FBH1: variants seen among roughly 807,000 people sequenced by gnomAD.
FBH1 encodes F-box DNA helicase 1, also known as DNA 3'-5' helicase 1.
In FBH1, 43 loss-of-function variants were observed where a neutral mutation model predicts 115.5. That is an observed-to-expected ratio of 0.37 (90% CI 0.29 to 0.48). FBH1 has a LOEUF of 0.48. FBH1 is among the 20% of genes least tolerant of loss of function. The probability of loss-of-function intolerance (pLI) is 0.99; values close to 1 mark genes in which losing one functional copy is unlikely to be tolerated. For synonymous variants in FBH1, 524 were observed against 507.8 expected (o/e 1.03, Z -0.43); for missense variants, 1,001 against 1,337.3 (o/e 0.75, Z 3.92).
At position 5,931,256 on chromosome 10, in the gene FBH1, C is replaced by CTGCTTTG. The variant is rs1256204482; in HGVS notation, c.2829+3716_2829+3717insGCTTTGT. 6.6e-6 allele frequency among the ~76,000 whole-genome samples: 1 copy of CTGCTTTG among 152,186 alleles called. No individual in the cohort carries two copies. The highest frequency in any genetic ancestry group is 1.5e-5 in the Non-Finnish European group (1 of 68,044). On this transcript the variant is annotated intron_variant, in intron 19 of 20. Transcript: ENST00000362091. The surrounding 1 kb of genome is among the most constrained non-coding windows in gnomAD (Gnocchi z 4.3). Reference sequence around the variant, plus strand: ...TGCCATCTCAGCAGATACGCATTACCTTGCTTTGTTGCACAACGGCACCTT... The same window carrying CTGCTTTG: ...TGCCATCTCAGCAGATACGCATTACCTGCTTTGTTGCTTTGTTGCACAACGGCACCTT...
Position 5,903,185 on chromosome 10 carries a change from C to A in FBH1, c.157+10C>A. ...AAAAGAGGGAGTAGGGGTATGTCTC[C>A]TCTAAAACTCTTGCATTTCAAAACC... On this transcript the variant is annotated intron_variant, in intron 2 of 20. Transcript: ENST00000362091. 6.3e-7 allele frequency: 1 copy of A among 1,585,504 alleles called. No homozygotes were observed. Among genetic ancestry groups the A allele is most frequent in the Non-Finnish European group, 8.6e-7 (1 of 1,164,128 alleles).
Position 5,909,003 on chromosome 10 carries a change from T to A in FBH1, c.832T>A (p.Ser278Thr), listed in dbSNP as rs1180960227. 9 of 1,614,238 alleles carry A rather than the reference T, an allele frequency of 5.6e-6. No homozygotes were observed. Among genetic ancestry groups the A allele is most frequent in the Non-Finnish European group, 7.6e-6 (9 of 1,180,040 alleles). Residue 278 changes from serine (S) to threonine (T), a missense_variant, in exon 4 of 21, where the codon TCT becomes ACT. Ser to Thr is a moderately conservative substitution (Grantham distance 58, BLOSUM62 1). Around this residue, in one of 4 missense-constraint regions of FBH1, gnomAD observed 420 missense variants for 430.4 expected, o/e 0.98. Transcript: ENST00000362091. The surrounding 1 kb of genome is among the most constrained non-coding windows in gnomAD (Gnocchi z 4.4). ...TGTCAGCAAAGTGGACGGCATCCTG[T>A]CTAACTGTGGCATAGAAAAGGAGTC... ...QAVSKVDGILSNCGIEKESDL... is the reference protein window; with the variant it reads ...QAVSKVDGILTNCGIEKESDL...
intron 3 of FBH1, 33 bp from the exon 4 acceptor site, chr10:5,908,892 T>A: frequency 6.2e-7 from 1 of 1,611,704 alleles, no homozygotes; most frequent in South Asian, 1.1e-5. Flanking sequence ...GCCCTTTGCC[T>A]CATGTTATTT....
At chr10:5,902,847 C>T (rs754965735) in intron 1 of FBH1, among the ~76,000 whole-genome samples, 173 bp from the exon 2 acceptor site, 3 of 147,064 alleles carry the variant, frequency 2.0e-5, no homozygotes, top group South Asian at 2.2e-4. Flanking sequence ...AAGAAAAATG[C>T]GAAGAAATTG....
At chr10:5,899,034 G>A (rs1431685884) in intron 1 of FBH1, among the ~76,000 whole-genome samples, 1 of 152,186 alleles carries the variant, frequency 6.6e-6, no homozygotes, top group Admixed American at 6.5e-5. Context: ...GGTTCACCCT[G>A]CATGTGTAGG....
rs1235765651 is a variant in FBH1, at chr10:5,918,310, A to T, written c.1964-32A>T. 6.2e-7 allele frequency: 1 copy of T among 1,603,050 alleles called. No homozygotes were observed. The highest frequency in any genetic ancestry group is 1.1e-5 in the South Asian group (1 of 89,914). ...TTTGCTGCCTGGGGTGGAGGCCTCA[A>T]GGTTTCTCACTTTTCCTCTCGTTGG... is the stretch of plus-strand genomic sequence containing the variant. On this transcript the variant is annotated intron_variant, in intron 12 of 20. Coordinates refer to ENST00000362091, the MANE Select transcript of FBH1 (RefSeq NM_178150.3). This position sits in a 1 kb window ranked among gnomAD's most constrained non-coding sequence, Gnocchi z 4.0.
At position 5,906,023 on chromosome 10, in the gene FBH1, G is replaced by C; in HGVS notation, c.158-14G>C. On this transcript the variant is annotated splice_polypyrimidine_tract_variant and intron_variant, in intron 2 of 20. Coordinates refer to ENST00000362091, the MANE Select transcript of FBH1 (RefSeq NM_178150.3). The surrounding 1 kb of genome is among the most constrained non-coding windows in gnomAD (Gnocchi z 7.3). ...GTTCATTTCTTGTCCATCCTGTTTG[G>C]GTTCTCTCTACAGGTCAGGGAAGTC... is the stretch of plus-strand genomic sequence containing the variant. The C allele has an allele frequency of 6.3e-7, 1 of 1,583,132 alleles. No homozygotes were observed. The highest frequency in any genetic ancestry group is 8.7e-7 in the Non-Finnish European group (1 of 1,154,646).
Position 5,924,301 on chromosome 10 carries a change from T to C in FBH1, c.2399-10T>C, listed in dbSNP as rs775812010. On this transcript the variant is annotated splice_polypyrimidine_tract_variant and intron_variant, in intron 16 of 20. Coordinates refer to ENST00000362091, the MANE Select transcript of FBH1 (RefSeq NM_178150.3). This position sits in a 1 kb window ranked among gnomAD's most constrained non-coding sequence, Gnocchi z 6.2. The stretch of plus-strand genomic sequence containing the variant: ...TGTGTCACCTTAATTTGTGTGTATA[T>C]TCTTCTTAGAAAACCTCGTCATTAA... 6.2e-7 allele frequency: 1 copy of C among 1,613,908 alleles called. No individual in the cohort carries two copies. The highest frequency in any genetic ancestry group is 8.5e-7 in the Non-Finnish European group (1 of 1,179,796).
intron 19 of FBH1, among the ~76,000 whole-genome samples, chr10:5,928,060 G>A (rs1425765920): frequency 1.8e-5 from 2 of 113,736 alleles, no homozygotes; most frequent in East Asian, 2.9e-4. Context: ...GTGACAGAGC[G>A]AGACTCCATC....
chr10:5,927,674 T>C (rs1832732388), intron 19 of FBH1, 133 bp downstream of exon 19: 2 of 645,400 alleles, frequency 3.1e-6, no homozygotes, highest in Non-Finnish European at 5.4e-6. Context: ...TGCTTGAACG[T>C]GCAAAGGCCG....
rs904143421 is a variant in FBH1, at chr10:5,911,163, A to G, written c.1211+35A>G. On this transcript the variant is annotated intron_variant, in intron 6 of 20. Coordinates refer to ENST00000362091, the MANE Select transcript of FBH1 (RefSeq NM_178150.3). This position sits in a 1 kb window ranked among gnomAD's most constrained non-coding sequence, Gnocchi z 5.4. ...CGGGAGGAGGGGAGGGGATGCTGTG[A>G]TAATGGGAGAGTCCCAGACACAGCA... The G allele has an allele frequency of 6.3e-7, 1 of 1,580,242 alleles. No individual in the cohort carries two copies. The highest frequency in any genetic ancestry group is 8.6e-7 in the Non-Finnish European group (1 of 1,159,942).
At chr10:5,891,080 G>T in intron 1 of FBH1, 1 of 888,832 alleles carries the variant, frequency 1.1e-6, no homozygotes, top group Non-Finnish European at 1.3e-6. Context: ...GGAAGTGGAG[G>T]CCTAACCAAG....
Position 5,923,974 on chromosome 10 carries a change from T to G in FBH1, c.2398+278T>G. 1 of 559,442 alleles carries G rather than the reference T, an allele frequency of 1.8e-6. No individual in the cohort carries two copies. Among genetic ancestry groups the G allele is most frequent in the South Asian group, 2.3e-5 (1 of 43,636 alleles). The allele number at this position is 559,442 out of a possible 1,614,324, so 34.7% of individuals were successfully genotyped here. On this transcript the variant is annotated intron_variant, in intron 16 of 20. Transcript: ENST00000362091. The surrounding 1 kb of genome is among the most constrained non-coding windows in gnomAD (Gnocchi z 5.7). Reference sequence around the variant, plus strand: ...ATCCTTCTGTCTGCCTGGGCCAATTTATACGTTGATACTTCCACGTGGGCC... The same window carrying G: ...ATCCTTCTGTCTGCCTGGGCCAATTGATACGTTGATACTTCCACGTGGGCC...
rs757975624 is a variant in FBH1, at chr10:5,909,009, T to C, written c.838T>C (p.Cys280Arg). Residue 280 changes from cysteine to arginine, a missense_variant, in exon 4 of 21, where the codon TGT (cysteine) becomes CGT (arginine). Physicochemically the swap from Cys to Arg is radical, Grantham distance 180. Transcript: ENST00000362091. The surrounding 1 kb of genome is among the most constrained non-coding windows in gnomAD (Gnocchi z 4.4). ...CAAAGTGGACGGCATCCTGTCTAAC[T>C]GTGGCATAGAAAAGGAGTCAGACCT... ...VSKVDGILSN[C>R]GIEKESDLCV... is the part of the protein sequence containing the mutation. 1 of 1,614,240 alleles carries C rather than the reference T, an allele frequency of 6.2e-7. No homozygotes were observed. Among genetic ancestry groups the C allele is most frequent in the East Asian group, 2.2e-5 (1 of 44,892 alleles).
intron 1 of FBH1, among the ~76,000 whole-genome samples, chr10:5,892,592 G>A (rs1842794371): frequency 6.6e-6 from 1 of 152,164 alleles, no homozygotes; most frequent in South Asian, 2.1e-4. Context: ...GATTTCAGAG[G>A]ACCTCCTGGA....
intron 1 of FBH1, among the ~76,000 whole-genome samples, chr10:5,892,802 T>A (rs1367630246): frequency 2.6e-5 from 4 of 152,260 alleles, no homozygotes; most frequent in Non-Finnish European, 5.9e-5. Context: ...TTGCTCTTTA[T>A]CTTTTATCTT....
In FBH1 at chr10:5,913,048, A is replaced by G. The variant is rs1029128784; in HGVS notation, c.1212-699A>G. 2.6e-5 allele frequency among the ~76,000 whole-genome samples: 4 copies of G among 152,084 alleles called. No homozygotes were observed. Among genetic ancestry groups the G allele is most frequent in the Non-Finnish European group, 5.9e-5 (4 of 67,994 alleles). Reference sequence around the variant, plus strand: ...CTCGATTGTTGGGGGAGCGAGTCCAAGCTCACCCCCGGTCTCCCCCACAGT... The same window carrying G: ...CTCGATTGTTGGGGGAGCGAGTCCAGGCTCACCCCCGGTCTCCCCCACAGT... On this transcript the variant is annotated intron_variant, in intron 6 of 20. Transcript: ENST00000362091. This position sits in a 1 kb window ranked among gnomAD's most constrained non-coding sequence, Gnocchi z 4.4.
Position 5,914,321 on chromosome 10 carries a change from C to T in FBH1, c.1396+52C>T. On this transcript the variant is annotated intron_variant, in intron 8 of 20. Coordinates refer to ENST00000362091, the MANE Select transcript of FBH1 (RefSeq NM_178150.3). This position sits in a 1 kb window ranked among gnomAD's most constrained non-coding sequence, Gnocchi z 5.2. ...AGGTGGTGGTTTTCTGCCTTTTCTC[C>T]CTACATCCCCTTCCCGCTACCTGCC... 6.8e-7 allele frequency: 1 copy of T among 1,471,030 alleles called. No homozygotes were observed. Among genetic ancestry groups the T allele is most frequent in the Non-Finnish European group, 9.5e-7 (1 of 1,049,766 alleles). The allele number at this position is 1,471,030 out of a possible 1,614,324, so 91.1% of individuals were successfully genotyped here.
chr10:5,921,629 A>T lies in FBH1; in HGVS notation c.2322+60A>T. The T allele has an allele frequency of 6.4e-7, 1 of 1,567,608 alleles. No homozygotes were observed. Among genetic ancestry groups the T allele is most frequent in the Non-Finnish European group, 8.6e-7 (1 of 1,167,360 alleles). ...AGAAACGTTGTAGACGAACATACCCAATGGAAATGTTCACCTTCCTTGGGA... is the reference window on the plus strand; with the variant it reads ...AGAAACGTTGTAGACGAACATACCCTATGGAAATGTTCACCTTCCTTGGGA... On this transcript the variant is annotated intron_variant, in intron 15 of 20. Transcript: ENST00000362091. The surrounding 1 kb of genome is among the most constrained non-coding windows in gnomAD (Gnocchi z 6.4).
Sources: allele counts gnomAD v4.1 joint callset (sites outside exome capture counted in the v4.1 genomes callset), GRCh38; gene constraint gnomAD v4.1.1; regional missense constraint gnomAD v4.1.1; non-coding constraint Gnocchi (gnomAD v3.1); transcripts MANE v1.5; gene names NCBI Gene and HGNC (gene_info 2026-07-23, HGNC 2026-07-21).